Variants in EDA2R observed in about 807,000 individuals in gnomAD.
The protein encoded by EDA2R is tumor necrosis factor receptor superfamily member 27.
In EDA2R, 26 loss-of-function variants were observed where a neutral mutation model predicts 20.1. That is an observed-to-expected ratio of 1.30 (90% CI 0.95 to 1.80). EDA2R has a LOEUF of 1.80. Ranked by LOEUF, EDA2R falls within the 40% of genes most tolerant of loss-of-function variation. The pLI, the probability that EDA2R is intolerant of heterozygous loss-of-function variation, is 0.00. For synonymous variants in EDA2R, 114 were observed against 88.7 expected, an observed-to-expected ratio of 1.29 and a Z score of -1.60; for missense variants, 277 against 228.7, an observed-to-expected ratio of 1.21 and a Z score of -1.36.
At chrX:66,624,702 C>T (rs1602295457) in intron 1 of EDA2R, among the ~76,000 whole-genome samples, 1 of 110,998 alleles carries the variant, frequency 9.0e-6, no homozygotes, top group Non-Finnish European at 1.9e-5. Flanking sequence ...AGGAGGTTTG[C>T]ATCGTGCATT....
Position 66,614,111 on chromosome X carries a change from A to T in EDA2R, c.87+1823T>A, listed in dbSNP as rs1038668086. Among the ~76,000 whole-genome samples, 10 of 111,562 alleles carry T rather than the reference A, an allele frequency of 9.0e-5. No individual in the cohort carries two copies. The East Asian group carries it at 2.5e-3, about 28-fold the overall frequency. On this transcript the variant is annotated intron_variant, in intron 2 of 6. Transcript: ENST00000374719. Reference sequence around the variant, plus strand: ...TCTGGACCATAAGATATAAGGAAAAATCTGTTGGACAGCTTCTGGGAAAAG... The same window carrying T: ...TCTGGACCATAAGATATAAGGAAAATTCTGTTGGACAGCTTCTGGGAAAAG...
intron 6 of EDA2R, 76 bp from the exon 7 acceptor site, chrX:66,598,169 T>A: frequency 5.5e-6 from 2 of 363,358 alleles, no homozygotes; most frequent in Non-Finnish European, 8.7e-6. Context: ...CCCCTCCAAA[T>A]ATCATAGGTT....
chrX:66,617,622 C>T (rs970942033), intron 1 of EDA2R, among the ~76,000 whole-genome samples: 5 of 111,336 alleles, frequency 4.5e-5, no homozygotes, highest in East Asian at 2.8e-4. Context: ...CCAACATAGG[C>T]GTTTAAAATC....
chrX:66,630,846 CACACAA>C (rs1169760038), intron 1 of EDA2R, among the ~76,000 whole-genome samples: 1 of 108,677 alleles, frequency 9.2e-6, no homozygotes, highest in African/African-American at 3.3e-5. Flanking sequence ...CACACACACA[CACACAA>C]ACACACGTAT....
intron 1 of EDA2R, among the ~76,000 whole-genome samples, chrX:66,621,916 A>G (rs183607723): frequency 1.6e-4 from 18 of 112,445 alleles, no homozygotes; most frequent in African/African-American, 5.8e-4. Flanking sequence ...ATCTCATTTT[A>G]AAAGATGGTT....
At chrX:66,614,868 C>T (rs773088873) in intron 2 of EDA2R, among the ~76,000 whole-genome samples, 2 of 111,681 alleles carry the variant, frequency 1.8e-5, no homozygotes, top group Non-Finnish European at 3.8e-5. Context: ...GTCTATACTT[C>T]TCTCTCTGAC....
chrX:66,634,503 T>G (rs187147507), intron 1 of EDA2R, among the ~76,000 whole-genome samples: 2 of 111,590 alleles, frequency 1.8e-5, no homozygotes, highest in East Asian at 2.8e-4. Flanking sequence ...TCATTTGTTT[T>G]TTTTTTCCTC....
chrX:66,636,166 G>T (rs1014045607), intron 1 of EDA2R, among the ~76,000 whole-genome samples: 2 of 111,734 alleles, frequency 1.8e-5, no homozygotes, highest in African/African-American at 6.5e-5. Flanking sequence ...CTCCTAAAGT[G>T]CTGGGATTAC....
At chrX:66,626,070 C>CA (rs913709815) in intron 1 of EDA2R, among the ~76,000 whole-genome samples, 2 of 109,682 alleles carry the variant, frequency 1.8e-5, no homozygotes, top group African/African-American at 6.6e-5. Context: ...GAGAAAGAAC[C>CA]AAAAAAACAA....
chrX:66,610,272 A>AGCAC (rs1555950268), intron 2 of EDA2R, among the ~76,000 whole-genome samples: 5 of 87,458 alleles, frequency 5.7e-5, no homozygotes, highest in African/African-American at 2.1e-4. Flanking sequence ...CAGATACACA[A>AGCAC]ACACACACAC....
intron 1 of EDA2R, among the ~76,000 whole-genome samples, chrX:66,628,378 C>T (rs754797165): frequency 4.5e-4 from 49 of 109,941 alleles, no homozygotes; most frequent in Non-Finnish European, 7.2e-4. Flanking sequence ...AAAAAACACA[C>T]GAAAGATAAA....
chrX:66,613,147 A>G (rs1416915762), intron 2 of EDA2R, among the ~76,000 whole-genome samples: 2 of 112,153 alleles, frequency 1.8e-5, no homozygotes, highest in African/African-American at 6.5e-5. Flanking sequence ...TTAGGAATTT[A>G]TTAATACATG....
intron 2 of EDA2R, among the ~76,000 whole-genome samples, chrX:66,611,069 T>C (rs1930657615): frequency 9.0e-6 from 1 of 111,503 alleles, no homozygotes; most frequent in Admixed American, 9.6e-5. Flanking sequence ...ATGGACCAAG[T>C]GACCTGGCCC....
At chrX:66,615,528 C>T (rs1379753868) in intron 2 of EDA2R, among the ~76,000 whole-genome samples, 1 of 111,686 alleles carries the variant, frequency 9.0e-6, no homozygotes, top group Non-Finnish European at 1.9e-5. Flanking sequence ...TTCTCCATTG[C>T]ACAGCTTCCT....
At chrX:66,613,999 T>G (rs935476564) in intron 2 of EDA2R, among the ~76,000 whole-genome samples, 1 of 111,659 alleles carries the variant, frequency 9.0e-6, no homozygotes, top group Non-Finnish European at 1.9e-5. Flanking sequence ...GATTCTTGAT[T>G]GGTCTTAATC....
chrX:66,630,820 T>TAC (rs780295995), intron 1 of EDA2R, among the ~76,000 whole-genome samples: 153 of 39,544 alleles, frequency 3.9e-3, no homozygotes, highest in East Asian at 0.012. Flanking sequence ...CATATATATA[T>TAC]ATACACACAC....
chrX:66,626,938 G>A (rs1933156746), intron 1 of EDA2R, among the ~76,000 whole-genome samples: 1 of 110,857 alleles, frequency 9.0e-6, no homozygotes, highest in Non-Finnish European at 1.9e-5. Context: ...AACCCTACAA[G>A]CTGGTAGAAA....
intron 2 of EDA2R, among the ~76,000 whole-genome samples, chrX:66,614,531 T>A (rs181617423): frequency 1.8e-5 from 2 of 112,116 alleles, no homozygotes; most frequent in East Asian, 5.6e-4. Context: ...AGCTTTAATA[T>A]CTATTTTAAT....
chrX:66,613,230 A>T (rs1268219304), intron 2 of EDA2R, among the ~76,000 whole-genome samples: 1 of 112,015 alleles, frequency 8.9e-6, no homozygotes, highest in Non-Finnish European at 1.9e-5. Context: ...AACAAAATTT[A>T]AAAGCATTTC....
Sources: gnomAD v4.1 joint callset for allele counts (sites outside exome capture counted in the v4.1 genomes callset) on GRCh38, gnomAD v4.1.1 for gene constraint, MANE v1.5 for transcripts, NCBI Gene and HGNC (gene_info 2026-07-23, HGNC 2026-07-21) for gene names.